MTBP: variants seen among roughly 807,000 people sequenced by gnomAD.
MTBP encodes mdm2-binding protein.
A neutral mutation model predicts 117.0 loss-of-function variants in MTBP; 101 were observed. The observed-to-expected ratio is 0.86, with a 90% CI of 0.73 to 1.02. The LOEUF (loss-of-function observed/expected upper bound fraction) is 1.02. Among genes scored for constraint, MTBP ranks in the 50% least tolerant of loss-of-function variants. MTBP has a pLI of 0.00. For missense variants in MTBP, 970 were observed against 1,030.9 expected (o/e 0.94, Z 0.81); for synonymous variants, 350 against 351.5 (o/e 1.00, Z 0.05).
chr8:120,510,276 T>G (rs987274579), intron 17 of MTBP, among the ~76,000 whole-genome samples: 2 of 152,206 alleles, frequency 1.3e-5, no homozygotes, highest in Non-Finnish European at 2.9e-5. Context: ...ATCAAAATTG[T>G]TTTGGTCCCT....
chr8:120,512,103 A>G (rs1189498666), intron 17 of MTBP, among the ~76,000 whole-genome samples: 2 of 152,192 alleles, frequency 1.3e-5, no homozygotes, highest in Non-Finnish European at 2.9e-5. Context: ...AAAGGAAACT[A>G]ATTAAAAATT....
At chr8:120,450,795 A>G (rs1362910252) in intron 2 of MTBP, among the ~76,000 whole-genome samples, 1 of 152,206 alleles carries the variant, frequency 6.6e-6, no homozygotes, top group Admixed American at 6.5e-5. Flanking sequence ...ATGAAAGGCA[A>G]GTATTTATTG....
chr8:120,463,642 A>G (rs756409005), intron 9 of MTBP, 50 bp from the exon 10 acceptor site: 1 of 1,380,954 alleles, frequency 7.2e-7, no homozygotes, highest in South Asian at 1.5e-5. Flanking sequence ...TTTAAGGAGT[A>G]CATTGTTTCA....
Position 120,516,053 on chromosome 8 carries a change from G to A in MTBP, c.2108G>A (p.Ser703Asn). ...RESFPVPTVL[S>N]PLPSPVVSSD... ...AGTTTTCCAGTACCTACTGTGTTGA[G>A]CCCTCTTCCATCTCCTGTAGTTTCG... Residue 703 changes from serine (S) to asparagine (N), a missense_variant, in exon 18 of 22, where the codon AGC (serine) becomes AAC (asparagine). Transcript: ENST00000305949. 1.9e-6 allele frequency: 3 copies of A among 1,613,116 alleles called. No individual in the cohort carries two copies. Among genetic ancestry groups the A allele is most frequent in the Non-Finnish European group, 2.5e-6 (3 of 1,179,310 alleles).
intron 16 of MTBP, among the ~76,000 whole-genome samples, chr8:120,507,937 A>G (rs752285666): frequency 2.6e-5 from 4 of 151,678 alleles, no homozygotes; most frequent in South Asian, 2.1e-4. Flanking sequence ...TGGCAGAGTC[A>G]GTTGGTTTGC....
intron 14 of MTBP, among the ~76,000 whole-genome samples, chr8:120,499,096 G>C (rs953979024): frequency 6.6e-6 from 1 of 152,112 alleles, no homozygotes. Context: ...ATTGCACATA[G>C]AATGCATCAT....
Position 120,459,317 on chromosome 8 carries a change from A to G in MTBP, c.850A>G (p.Ile284Val), listed in dbSNP as rs545541960. ...TACTGACTTCCTTGCCAAAAAGATC[A>G]TACCATCAAAGGATAAGAATATTTT... ...LNTDFLAKKI[I>V]PSKDKNILPK... The change falls in exon 8 of 22, where the codon ATA becomes GTA. Residue 284 changes from isoleucine (I) to valine (V), a missense_variant. Ile to Val is a conservative substitution (Grantham distance 29). Transcript: ENST00000305949. The G allele has an allele frequency of 1.8e-5, 29 of 1,612,014 alleles. No individual in the cohort carries two copies. The highest frequency in any genetic ancestry group is 1.3e-4 in the East Asian group (6 of 44,704).
At chr8:120,504,336 C>T (rs1814650227) in intron 15 of MTBP, among the ~76,000 whole-genome samples, 1 of 152,042 alleles carries the variant, frequency 6.6e-6, no homozygotes, top group African/African-American at 2.4e-5. Context: ...CCCTTTTTAT[C>T]TTCTATCTCT....
chr8:120,516,247 G>T, intron 18 of MTBP, 56 bp downstream of exon 18: 2 of 1,380,232 alleles, frequency 1.4e-6, no homozygotes, highest in Non-Finnish European at 1.9e-6. Flanking sequence ...TTAGTCTCGA[G>T]GATTTTTATT....
chr8:120,473,231 T>G (rs915183865), intron 11 of MTBP: 75 of 152,224 alleles, frequency 4.9e-4, no homozygotes, highest in African/African-American at 1.8e-3. Flanking sequence ...AAATTTTTTT[T>G]GGAATATTTT....
At chr8:120,495,152 A>G (rs546988352) in intron 13 of MTBP, among the ~76,000 whole-genome samples, 32 of 152,212 alleles carry the variant, frequency 2.1e-4, no homozygotes, top group African/African-American at 7.2e-4. Flanking sequence ...AAGTTCATGG[A>G]GCATAAATTT....
chr8:120,506,667 A>G (rs763105265), intron 15 of MTBP, 39 bp from the exon 16 acceptor site: 3 of 1,473,286 alleles, frequency 2.0e-6, no homozygotes, highest in Non-Finnish European at 2.7e-6. Context: ...TCTGGATTGA[A>G]TCCACTTTTA....
chr8:120,522,634 C>T lies in MTBP; in HGVS notation c.2611-20C>T, dbSNP rs75728398. 8,804 of 1,480,354 alleles carry T rather than the reference C, an allele frequency of 5.9e-3. 454 individuals carry two copies. In the African/African-American group the frequency reaches 0.11, roughly 18 times the overall value. 91.7% of individuals were successfully genotyped at this position (1,480,354 alleles called of 1,614,324 possible). On this transcript the variant is annotated intron_variant, in intron 20 of 21. Coordinates refer to ENST00000305949, the MANE Select transcript of MTBP (RefSeq NM_022045.5). ...AATTTAATGTGCAGATTGTAAAATG[C>T]TGTATTTTATTATGTTTAGGATCTT...
intron 10 of MTBP, among the ~76,000 whole-genome samples, chr8:120,466,277 T>G (rs1197787731): frequency 6.6e-6 from 1 of 150,738 alleles, no homozygotes; most frequent in Non-Finnish European, 1.5e-5. Context: ...AATGGTGTGA[T>G]CTTGGCTCAC....
At chr8:120,501,062 G>A (rs562109350) in intron 14 of MTBP, among the ~76,000 whole-genome samples, 22 of 152,020 alleles carry the variant, frequency 1.4e-4, no homozygotes, top group Non-Finnish European at 2.5e-4. Context: ...GTGGTGGTGC[G>A]TGCCTGTAGT....
At chr8:120,486,659 C>A (rs568268346) in intron 11 of MTBP, among the ~76,000 whole-genome samples, 1 of 152,148 alleles carries the variant, frequency 6.6e-6, no homozygotes, top group Non-Finnish European at 1.5e-5. Flanking sequence ...TATTGGAAGC[C>A]GAGGGAGGAG....
chr8:120,509,945 T>C lies in MTBP; in HGVS notation c.1895T>C (p.Phe632Ser). Residue 632 changes from phenylalanine to serine, a missense_variant, in exon 17 of 22, where the codon TTT (phenylalanine) becomes TCT (serine). Phe to Ser is a radical substitution (Grantham distance 155). Transcript: ENST00000305949. ...ATTTTTTGTTTCAGGGAAAAGACTT[T>C]TGTTTTGACACCAGAACTTAGTCCT... ...PLPIQKGEKT[F>S]VLTPELSPGK... 3 of 1,609,650 alleles carry C rather than the reference T, an allele frequency of 1.9e-6. No homozygotes were observed. The highest frequency in any genetic ancestry group is 2.5e-6 in the Non-Finnish European group (3 of 1,178,258).
rs1196187958 is a variant in MTBP, at chr8:120,446,289, A to G, written c.119-144A>G. ...TCTCTGATTGCTTTAGATTTTCTGT[A>G]TCAAAACTTGAACAGATCTTGAGCA... On this transcript the variant is annotated intron_variant, in intron 1 of 21. Coordinates refer to ENST00000305949, the MANE Select transcript of MTBP (RefSeq NM_022045.5). The G allele has an allele frequency of 9.9e-6, 6 of 606,284 alleles. No individual in the cohort carries two copies. In the East Asian group the frequency reaches 1.6e-4, roughly 16 times the overall value. 37.6% of individuals were successfully genotyped at this position (606,284 alleles called of 1,614,324 possible). A position where few individuals can be genotyped will look rare whatever the true frequency, so the allele number is the denominator to read the frequency against.
chr8:120,446,506 T>C lies in MTBP; in HGVS notation c.192T>C (p.Thr64=). The change falls in exon 2 of 22, where the codon ACT becomes ACC. Residue 64 remains threonine (T), a synonymous_variant. Coordinates refer to ENST00000305949, the MANE Select transcript of MTBP (RefSeq NM_022045.5). ...CTTCAATTAATCCAGAAGATAGTAC[T>C]TTCCCTGGTAAGTATAATAAACTCC... ...ISASINPEDS[T]FPACSVGGIP... The C allele has an allele frequency of 1.3e-6, 2 of 1,566,290 alleles. No homozygotes were observed. The highest frequency in any genetic ancestry group is 4.5e-5 in the East Asian group (2 of 44,560).
Sources: allele counts gnomAD v4.1 joint callset (sites outside exome capture counted in the v4.1 genomes callset), GRCh38; gene constraint gnomAD v4.1.1; transcripts MANE v1.5; gene names NCBI Gene and HGNC (gene_info 2026-07-23, HGNC 2026-07-21).